KHDRBS3: variants seen among roughly 807,000 people sequenced by gnomAD.
The protein encoded by KHDRBS3 is KH RNA binding domain containing, signal transduction associated 3, also known as KH domain-containing, RNA-binding, signal transduction-associated protein 3.
Under a neutral mutation model 45.6 loss-of-function variants are expected in KHDRBS3, and 23 were observed. The observed-to-expected ratio is 0.50, with a 90% CI of 0.36 to 0.72. The LOEUF is 0.72. KHDRBS3 is among the 30% of genes least tolerant of loss of function. KHDRBS3 has a pLI of 0.00. For synonymous variants in KHDRBS3, 162 were observed against 156.5 expected (o/e 1.04, Z -0.26); for missense variants, 352 against 424.8 (o/e 0.83, Z 1.51).
At chr8:135,646,173 T>C (rs1412748576) in intron 8 of KHDRBS3, among the ~76,000 whole-genome samples, 4 of 152,110 alleles carry the variant, frequency 2.6e-5, no homozygotes, top group African/African-American at 9.7e-5. Flanking sequence ...TCACAGCTTT[T>C]TAAATTGGTC....
chr8:135,625,844 C>T, intron 7 of KHDRBS3: 3 of 769,338 alleles, frequency 3.9e-6, no homozygotes, highest in Non-Finnish European at 4.8e-6. Context: ...TGTCCATAAA[C>T]TGACACTAGG....
intron 1 of KHDRBS3, among the ~76,000 whole-genome samples, chr8:135,477,655 T>C (rs1163223079): frequency 2.0e-5 from 3 of 152,156 alleles, no homozygotes; most frequent in Non-Finnish European, 4.4e-5. Flanking sequence ...TCCCCACAGT[T>C]TGTGAATGTT....
intron 3 of KHDRBS3, among the ~76,000 whole-genome samples, chr8:135,547,626 G>A (rs1356948952): frequency 1.3e-5 from 2 of 152,322 alleles, no homozygotes; most frequent in East Asian, 3.9e-4. Context: ...CTTCAAGGGT[G>A]AAGTCAAGGG....
intron 5 of KHDRBS3, among the ~76,000 whole-genome samples, chr8:135,562,752 G>A (rs1039043089): frequency 3.3e-5 from 5 of 152,300 alleles, no homozygotes; most frequent in Admixed American, 2.0e-4. Context: ...ACTTTGAGTT[G>A]CCTTGTGGCT....
chr8:135,513,562 C>A (rs1258449786), intron 1 of KHDRBS3, among the ~76,000 whole-genome samples: 1 of 152,134 alleles, frequency 6.6e-6, no homozygotes, highest in Non-Finnish European at 1.5e-5. Context: ...GACTCTTACT[C>A]TCTGAGGTTT....
intron 1 of KHDRBS3, among the ~76,000 whole-genome samples, chr8:135,507,160 G>A (rs1211770841): frequency 3.3e-5 from 5 of 152,082 alleles, no homozygotes; most frequent in Non-Finnish European, 5.9e-5. Context: ...CGGATCTAGT[G>A]GAATGCTTTT....
chr8:135,458,253 C>T, intron 1 of KHDRBS3: 1 of 1,092,738 alleles, frequency 9.2e-7, no homozygotes, highest in Non-Finnish European at 1.2e-6. Context: ...GGGACAGCGA[C>T]CATCTGGGGG....
chr8:135,536,662 C>T (rs567084005), intron 2 of KHDRBS3, among the ~76,000 whole-genome samples: 1 of 152,060 alleles, frequency 6.6e-6, no homozygotes, highest in South Asian at 2.1e-4. Flanking sequence ...AGAAAATGGA[C>T]AGATTTAAGA....
intron 1 of KHDRBS3, among the ~76,000 whole-genome samples, chr8:135,511,912 C>T (rs558513538): frequency 3.0e-4 from 46 of 152,184 alleles, no homozygotes; most frequent in Non-Finnish European, 6.0e-4. Context: ...TTTAGAGTAT[C>T]GAGTGTTTCT....
At chr8:135,606,031 C>G (rs142933759) in intron 6 of KHDRBS3, among the ~76,000 whole-genome samples, 1 of 152,168 alleles carries the variant, frequency 6.6e-6, no homozygotes, top group East Asian at 1.9e-4. Context: ...TATAAAGTCT[C>G]TATTTCTTGT....
At chr8:135,632,343 T>G (rs927673781) in intron 7 of KHDRBS3, among the ~76,000 whole-genome samples, 2 of 152,016 alleles carry the variant, frequency 1.3e-5, no homozygotes, top group Admixed American at 1.3e-4. Context: ...GTTCTCCATC[T>G]CTTGCTAGAC....
At position 135,644,765 on chromosome 8, in the gene KHDRBS3, T is replaced by G. The variant is rs1208983452; in HGVS notation, c.891-294T>G. Among the ~76,000 whole-genome samples, 4 of 152,234 alleles carry G rather than the reference T, an allele frequency of 2.6e-5. No individual in the cohort carries two copies. The East Asian group carries it at 5.8e-4, about 22-fold the overall frequency. ...GTCTTCCCAGGTCAGGTGCTGTCTTTGTATTCCCTCGTGCACTTTTAGGCA... is the reference window on the plus strand; with the variant it reads ...GTCTTCCCAGGTCAGGTGCTGTCTTGGTATTCCCTCGTGCACTTTTAGGCA... On this transcript the variant is annotated intron_variant, in intron 7 of 8. Coordinates refer to ENST00000355849, the MANE Select transcript of KHDRBS3 (RefSeq NM_006558.3).
rs374446142 is a variant in KHDRBS3, at chr8:135,515,802, G to A, written c.89-5435G>A. 9.2e-5 allele frequency among the ~76,000 whole-genome samples: 14 copies of A among 152,222 alleles called. No homozygotes were observed. In the South Asian group the frequency reaches 2.9e-3, roughly 32 times the overall value. On this transcript the variant is annotated intron_variant, in intron 1 of 8. Transcript: ENST00000355849. The stretch of plus-strand genomic sequence containing the variant: ...TTTTAGATGGGTAAAATATTCACGT[G>A]GTTAAGAGATTTAAAGCAGTGCAAA...
In KHDRBS3 at chr8:135,457,800, C is replaced by CG. The variant is rs1329944790; in HGVS notation, c.-62dup. On this transcript the variant is annotated 5_prime_UTR_variant, in exon 1 of 9. Coordinates refer to ENST00000355849, the MANE Select transcript of KHDRBS3 (RefSeq NM_006558.3). The surrounding 1 kb of genome is among the most constrained non-coding windows in gnomAD (Gnocchi z 4.4). Reference sequence around the variant, plus strand: ...CCGCCGCTGGGGGCGCGGGCGGGGTCGGGGGTTGCCGGGCGCCGCCCCCCG... The same window carrying CG: ...CCGCCGCTGGGGGCGCGGGCGGGGTCGGGGGGTTGCCGGGCGCCGCCCCCCG... 1.9e-6 allele frequency: 2 copies of CG among 1,060,614 alleles called. No homozygotes were observed. The highest frequency in any genetic ancestry group is 3.8e-5 in the East Asian group (1 of 26,418). The allele number at this position is 1,060,614 out of a possible 1,614,324, so 65.7% of individuals were successfully genotyped here.
intron 1 of KHDRBS3, among the ~76,000 whole-genome samples, chr8:135,478,439 A>G (rs1586576082): frequency 6.6e-6 from 1 of 152,220 alleles, no homozygotes; most frequent in Non-Finnish European, 1.5e-5. Flanking sequence ...AAAATTAGTA[A>G]GGAAATAGTA....
At chr8:135,623,947 A>G (rs1281012377) in intron 7 of KHDRBS3, among the ~76,000 whole-genome samples, 1 of 152,246 alleles carries the variant, frequency 6.6e-6, no homozygotes, top group Non-Finnish European at 1.5e-5. Flanking sequence ...CACATTTTGC[A>G]GAGTCCTGCA....
chr8:135,501,427 C>T lies in KHDRBS3; in HGVS notation c.89-19810C>T, dbSNP rs113909753. On this transcript the variant is annotated intron_variant, in intron 1 of 8. Coordinates refer to ENST00000355849, the MANE Select transcript of KHDRBS3 (RefSeq NM_006558.3). ...TTTAGCGTATTGTTTCTATGAGTTG[C>T]AAAAATTATTTCCTGAAGAATCAAA... 4.1e-3 allele frequency among the ~76,000 whole-genome samples: 618 copies of T among 152,172 alleles called. 10 individuals carry two copies. Among genetic ancestry groups the T allele is most frequent in the African/African-American group, 0.013 (560 of 41,528 alleles).
intron 2 of KHDRBS3, chr8:135,540,559 C>G (rs753285366): frequency 1.3e-5 from 2 of 152,180 alleles, no homozygotes; most frequent in Non-Finnish European, 2.9e-5. Context: ...CAGACAGATA[C>G]AACTGAGGAT....
At chr8:135,469,531 T>TG (rs1563699791) in intron 1 of KHDRBS3, among the ~76,000 whole-genome samples, 5,547 of 48,650 alleles carry the variant, frequency 0.11, 233 homozygotes, top group East Asian at 0.37. Context: ...TGGTTTTTTT[T>TG]TTTTTTTTTT....
Sources: allele counts gnomAD v4.1 joint callset (sites outside exome capture counted in the v4.1 genomes callset), GRCh38; gene constraint gnomAD v4.1.1; non-coding constraint Gnocchi (gnomAD v3.1); transcripts MANE v1.5; gene names NCBI Gene and HGNC (gene_info 2026-07-23, HGNC 2026-07-21).